The following TRABD2A variants were observed in gnomAD, a reference collection of about 807,000 sequenced individuals.
TRABD2A encodes the protein TraB domain containing 2A, also known as metalloprotease TIKI1.
Under a neutral mutation model 45.6 loss-of-function variants are expected in TRABD2A, and 43 were observed. The observed-to-expected ratio is 0.94, with a 90% CI of 0.74 to 1.22. TRABD2A has a LOEUF of 1.22. TRABD2A is among the 50% of genes most tolerant of loss of function. TRABD2A has a pLI of 0.00. For missense variants in TRABD2A, 642 were observed against 652.4 expected (o/e 0.98, Z 0.17); for synonymous variants, 269 against 265.0 (o/e 1.02, Z -0.15).
intron 2 of TRABD2A, among the ~76,000 whole-genome samples, chr2:84,847,633 C>T (rs937037435): frequency 1.3e-5 from 2 of 152,200 alleles, no homozygotes; most frequent in African/African-American, 4.8e-5. Context: ...GCACAAGGGT[C>T]CTGGATGGAT....
At chr2:84,852,992 A>C (rs1219177999) in intron 2 of TRABD2A, among the ~76,000 whole-genome samples, 3 of 152,060 alleles carry the variant, frequency 2.0e-5, no homozygotes, top group Non-Finnish European at 2.9e-5. Context: ...GTTGTGGGTT[A>C]AATTTTTCCC....
At chr2:84,853,227 G>A (rs1283319578) in intron 2 of TRABD2A, among the ~76,000 whole-genome samples, 1 of 151,750 alleles carries the variant, frequency 6.6e-6, no homozygotes, top group African/African-American at 2.4e-5. Flanking sequence ...GATGCCAAAG[G>A]CAGTGTGTTA....
At position 84,833,002 on chromosome 2, in the gene TRABD2A, A is replaced by G. The variant is rs899657889; in HGVS notation, c.992-857T>C. The G allele has an allele frequency of 3.9e-5, 6 of 152,164 alleles. No homozygotes were observed. The East Asian group carries it at 1.2e-3, about 29-fold the overall frequency. 9.4% of individuals were successfully genotyped at this position (152,164 alleles called of 1,614,324 possible). ...AGGACAAACCCACTGTAGTCTCAGG[A>G]GTCACAACCAGGGAACCCTGGGAGC... On this transcript the variant is annotated intron_variant, in intron 4 of 6. Transcript: ENST00000409520.
intron 2 of TRABD2A, among the ~76,000 whole-genome samples, chr2:84,846,690 G>A (rs972948003): frequency 2.6e-5 from 4 of 152,188 alleles, no homozygotes; most frequent in South Asian, 2.1e-4. Flanking sequence ...TCCCTCCTTC[G>A]CTGGCTTAGC....
intron 1 of TRABD2A, among the ~76,000 whole-genome samples, 182 bp downstream of exon 1, chr2:84,880,750 C>T (rs1683175807): frequency 6.6e-6 from 1 of 152,152 alleles, no homozygotes; most frequent in East Asian, 1.9e-4. Flanking sequence ...TGCGCCCCCG[C>T]GGGAAAGGGG....
chr2:84,852,767 T>G (rs1682140472), intron 2 of TRABD2A, among the ~76,000 whole-genome samples: 1 of 151,970 alleles, frequency 6.6e-6, no homozygotes, highest in Non-Finnish European at 1.5e-5. Context: ...TTGTGCAGAG[T>G]GACAGCTCCC....
intron 5 of TRABD2A, among the ~76,000 whole-genome samples, chr2:84,827,267 C>T (rs1254664564): frequency 6.6e-6 from 1 of 152,230 alleles, no homozygotes; most frequent in African/African-American, 2.4e-5. Flanking sequence ...ACGCAGCCTC[C>T]TCACTTCATG....
rs1205622571 is a variant in TRABD2A, at chr2:84,824,165, G to C, written c.1122C>G (p.Ser374=). Residue 374 remains serine (S), a synonymous_variant, in exon 6 of 7, where the codon TCC becomes TCG. Transcript: ENST00000409520. The part of the protein sequence containing the change: ...SKKTSTRPTL[S]TIFAPKVPTL... ...TAGGGACTTTTGGAGCAAAGATGGTGGACAGAGTGGGCCGTGTGGAGGTCT... is the reference window on the plus strand; with the variant it reads ...TAGGGACTTTTGGAGCAAAGATGGTCGACAGAGTGGGCCGTGTGGAGGTCT... The C allele has an allele frequency of 6.2e-7, 1 of 1,613,956 alleles. No homozygotes were observed. Among genetic ancestry groups the C allele is most frequent in the African/African-American group, 1.3e-5 (1 of 75,022 alleles).
intron 2 of TRABD2A, 161 bp from the exon 3 acceptor site, chr2:84,842,168 C>A: frequency 1.3e-6 from 1 of 743,300 alleles, no homozygotes; most frequent in Non-Finnish European, 2.0e-6. Context: ...GGACAGCATC[C>A]AAAGAAAAGG....
chr2:84,852,711 C>T (rs1370537380), intron 2 of TRABD2A, among the ~76,000 whole-genome samples: 1 of 152,118 alleles, frequency 6.6e-6, no homozygotes, highest in African/African-American at 2.4e-5. Flanking sequence ...CCCATATGCC[C>T]AATGTAGGAG....
At chr2:84,826,393 T>G (rs1310466141) in intron 5 of TRABD2A, among the ~76,000 whole-genome samples, 1 of 152,220 alleles carries the variant, frequency 6.6e-6, no homozygotes, top group Non-Finnish European at 1.5e-5. Context: ...AGCTTTACTC[T>G]TCCTGGTTTT....
At chr2:84,858,062 A>G (rs184491454) in intron 2 of TRABD2A, among the ~76,000 whole-genome samples, 1 of 152,108 alleles carries the variant, frequency 6.6e-6, no homozygotes, top group African/African-American at 2.4e-5. Context: ...TTTTGTAGAG[A>G]CGGGGTCTTG....
intron 2 of TRABD2A, among the ~76,000 whole-genome samples, chr2:84,844,391 T>C (rs980338188): frequency 6.6e-6 from 1 of 152,126 alleles, no homozygotes. Flanking sequence ...TCCTCCTCCT[T>C]CACCTTCCGC....
rs755572063 is a variant in TRABD2A, at chr2:84,858,357, G to C, written c.669+11868C>G. On this transcript the variant is annotated intron_variant, in intron 2 of 6. Transcript: ENST00000409520. Reference sequence around the variant, plus strand: ...GGCCAGCAGAGCACAAATTTTCCCAGATTTGCCTGCGCTTTTGGCCCATTC... The same window carrying C: ...GGCCAGCAGAGCACAAATTTTCCCACATTTGCCTGCGCTTTTGGCCCATTC... Among the ~76,000 whole-genome samples the C allele has an allele frequency of 2.6e-5, 4 of 152,210 alleles. No homozygotes were observed. In the South Asian group the frequency reaches 8.3e-4, roughly 32 times the overall value.
intron 6 of TRABD2A, among the ~76,000 whole-genome samples, chr2:84,822,945 G>T (rs1022234425): frequency 3.3e-5 from 5 of 152,012 alleles, no homozygotes; most frequent in Non-Finnish European, 7.4e-5. Context: ...CTTCTTTAAC[G>T]CAATCGTTCC....
intron 2 of TRABD2A, among the ~76,000 whole-genome samples, chr2:84,845,637 G>T (rs1170976724): frequency 2.6e-5 from 4 of 152,120 alleles, no homozygotes; most frequent in Non-Finnish European, 5.9e-5. Flanking sequence ...GAAACTGAGT[G>T]GTTGATAGAC....
At chr2:84,855,452 G>C (rs904985804) in intron 2 of TRABD2A, among the ~76,000 whole-genome samples, 1 of 151,892 alleles carries the variant, frequency 6.6e-6, no homozygotes, top group African/African-American at 2.4e-5. Context: ...AAAAAAAAAT[G>C]GTTATCAGTC....
Position 84,821,985 on chromosome 2 carries a change from G to A in TRABD2A, c.1450C>T (p.Leu484=). 1 of 1,602,816 alleles carries A rather than the reference G, an allele frequency of 6.2e-7. No individual in the cohort carries two copies. Among genetic ancestry groups the A allele is most frequent in the Non-Finnish European group, 8.5e-7 (1 of 1,174,888 alleles). The part of the protein sequence containing the change: ...HSQMVASSAC[L]SLWTPVFWVL... Reference sequence around the variant, plus strand: ...CAGAACACAGGAGTCCAGAGAGACAGGCAGGCACTGCTGGCCACCATCTGG... The same window carrying A: ...CAGAACACAGGAGTCCAGAGAGACAAGCAGGCACTGCTGGCCACCATCTGG... Residue 484 remains leucine (L), a synonymous_variant, in exon 7 of 7, where the codon CTG becomes TTG. Transcript: ENST00000409520.
chr2:84,849,788 C>T (rs1682020040), intron 2 of TRABD2A, among the ~76,000 whole-genome samples: 1 of 152,168 alleles, frequency 6.6e-6, no homozygotes, highest in Non-Finnish European at 1.5e-5. Context: ...ATTGCTGGCT[C>T]AAGTCGCCAA....
Sources: gnomAD v4.1 joint callset for allele counts (sites outside exome capture counted in the v4.1 genomes callset) on GRCh38, gnomAD v4.1.1 for gene constraint, MANE v1.5 for transcripts, NCBI Gene and HGNC (gene_info 2026-07-23, HGNC 2026-07-21) for gene names.